RALGPS1: variants seen among roughly 807,000 people sequenced by gnomAD.
The protein encoded by RALGPS1 is Ral GEF with PH domain and SH3 binding motif 1.
RALGPS1 carries 19 observed loss-of-function variants against 78.8 expected under a neutral mutation model. That is an observed-to-expected ratio of 0.24 (90% CI 0.17 to 0.35). The LOEUF is 0.35. RALGPS1 is among the 10% of genes least tolerant of loss of function. The pLI is 1.00. For synonymous variants in RALGPS1, 228 were observed against 256.3 expected, an observed-to-expected ratio of 0.89 and a Z score of 1.06; for missense variants, 454 against 688.3, an observed-to-expected ratio of 0.66 and a Z score of 3.81.
chr9:127,046,672 CAAAAA>C (rs71377987), intron 5 of RALGPS1, among the ~76,000 whole-genome samples: 13 of 40,452 alleles, frequency 3.2e-4, no homozygotes, highest in Admixed American at 5.0e-4. Flanking sequence ...CCCATCCATA[CAAAAA>C]AAAAAAAAAA....
intron 7 of RALGPS1, among the ~76,000 whole-genome samples, chr9:127,068,646 G>A (rs2135826913): frequency 6.6e-6 from 1 of 152,254 alleles, no homozygotes; most frequent in Non-Finnish European, 1.5e-5. Context: ...GAGGGTTCTT[G>A]GCTTTGCCCA....
intron 1 of RALGPS1, among the ~76,000 whole-genome samples, chr9:126,931,318 G>T (rs572741973): frequency 4.9e-4 from 75 of 152,192 alleles, no homozygotes; most frequent in African/African-American, 1.8e-3. Flanking sequence ...GACTGCTAGC[G>T]GGCAGCCTCA....
chr9:127,174,834 G>T, intron 11 of RALGPS1, 52 bp downstream of exon 11: 1 of 1,565,014 alleles, frequency 6.4e-7, no homozygotes. Flanking sequence ...CCTAATTGTG[G>T]CTGCCAGAGT....
rs34711319 is a variant in RALGPS1, at chr9:127,084,886, TC to T, written c.610+15533del. ...AGACATGTTGTTACACTTAAAAGCT[TC>T]CCTTTTTGGCTTAATCTAGTCATGT... On this transcript the variant is annotated intron_variant, in intron 8 of 18. Transcript: ENST00000259351. Among the ~76,000 whole-genome samples, 686 of 152,336 alleles carry T rather than the reference TC, an allele frequency of 4.5e-3. 2 individuals carry two copies. Among genetic ancestry groups the T allele is most frequent in the Non-Finnish European group, 7.8e-3 (531 of 68,034 alleles).
At chr9:127,137,620 T>A (rs776863683) in intron 8 of RALGPS1, among the ~76,000 whole-genome samples, 30 of 152,250 alleles carry the variant, frequency 2.0e-4, no homozygotes, top group Admixed American at 3.9e-4. Context: ...TGAAGCTGGT[T>A]CCAGTTGAGT....
chr9:127,065,989 G>A (rs1260126663), intron 7 of RALGPS1, among the ~76,000 whole-genome samples: 1 of 152,244 alleles, frequency 6.6e-6, no homozygotes, highest in Non-Finnish European at 1.5e-5. Context: ...ACAGAAGGGA[G>A]CAGATGAGTA....
intron 8 of RALGPS1, among the ~76,000 whole-genome samples, chr9:127,140,714 T>G (rs1371902195): frequency 6.6e-6 from 1 of 152,152 alleles, no homozygotes; most frequent in Admixed American, 6.5e-5. Context: ...AAATGCCCTT[T>G]TAATTGAAAA....
chr9:127,179,743 G>A (rs1413666043), intron 11 of RALGPS1, among the ~76,000 whole-genome samples: 1 of 152,234 alleles, frequency 6.6e-6, no homozygotes, highest in Non-Finnish European at 1.5e-5. Context: ...GGAGCTGAAA[G>A]GAGGCAGTGG....
chr9:127,214,627 T>TG lies in RALGPS1; in HGVS notation c.1553-124_1553-123insG. 3 of 1,434,774 alleles carry TG rather than the reference T, an allele frequency of 2.1e-6. No homozygotes were observed. The South Asian group carries it at 4.6e-5, about 22-fold the overall frequency. 88.9% of individuals were successfully genotyped at this position (1,434,774 alleles called of 1,614,324 possible). On this transcript the variant is annotated intron_variant, in intron 17 of 18. Coordinates refer to ENST00000259351, the MANE Select transcript of RALGPS1 (RefSeq NM_014636.3). ...CCTGGAGGCTGCTTTCTCTGCATGT[T>TG]CCAGCTCACCTGGGGCCGACCTTCC...
intron 11 of RALGPS1, among the ~76,000 whole-genome samples, chr9:127,188,295 C>T (rs1225952455): frequency 6.6e-6 from 1 of 151,988 alleles, no homozygotes; most frequent in Non-Finnish European, 1.5e-5. Context: ...AACTCCTGAC[C>T]TCGTGATCCG....
In RALGPS1 at chr9:126,994,470, A is replaced by C. The variant is rs887720723; in HGVS notation, c.216+16725A>C. ...ATGAATGAAATGAAGCAAGAAGAGA[A>C]GTTTAGAGAAAAAAGAGTAAAAAGA... On this transcript the variant is annotated intron_variant, in intron 4 of 18. Coordinates refer to ENST00000259351, the MANE Select transcript of RALGPS1 (RefSeq NM_014636.3). Among the ~76,000 whole-genome samples, 3 of 152,348 alleles carry C rather than the reference A, an allele frequency of 2.0e-5. No homozygotes were observed. The South Asian group carries it at 6.2e-4, about 32-fold the overall frequency.
chr9:127,165,336 C>T (rs902193360), intron 8 of RALGPS1, among the ~76,000 whole-genome samples: 2 of 152,224 alleles, frequency 1.3e-5, no homozygotes, highest in Non-Finnish European at 2.9e-5. Context: ...GAATAGCCAG[C>T]GGCCCTTCCC....
intron 8 of RALGPS1, among the ~76,000 whole-genome samples, chr9:127,144,948 T>C (rs1393191384): frequency 6.6e-6 from 1 of 152,166 alleles, no homozygotes; most frequent in East Asian, 1.9e-4. Flanking sequence ...AGCATGAATA[T>C]AATAAATGTC....
intron 10 of RALGPS1, among the ~76,000 whole-genome samples, chr9:127,172,063 C>T (rs2059593214): frequency 6.6e-6 from 1 of 152,142 alleles, no homozygotes; most frequent in Non-Finnish European, 1.5e-5. Flanking sequence ...ATAGTTTTTC[C>T]ATTCCTGGAG....
At chr9:127,142,871 C>A (rs779830329) in intron 8 of RALGPS1, among the ~76,000 whole-genome samples, 1 of 152,002 alleles carries the variant, frequency 6.6e-6, no homozygotes, top group Non-Finnish European at 1.5e-5. Context: ...TAAATCTGGA[C>A]GGTAAATAAC....
intron 8 of RALGPS1, among the ~76,000 whole-genome samples, chr9:127,142,056 G>A (rs528496783): frequency 3.9e-5 from 6 of 152,196 alleles, no homozygotes; most frequent in Non-Finnish European, 7.3e-5. Context: ...CAGGAGCAAC[G>A]TTCTAAATGG....
chr9:126,958,483 C>T (rs1044300057), intron 1 of RALGPS1, among the ~76,000 whole-genome samples: 1 of 152,120 alleles, frequency 6.6e-6, no homozygotes, highest in African/African-American at 2.4e-5. Context: ...TCTAAATTTG[C>T]CTTTTCTGGA....
chr9:127,112,111 TAA>T (rs2054875685), intron 8 of RALGPS1, among the ~76,000 whole-genome samples: 1 of 152,144 alleles, frequency 6.6e-6, no homozygotes, highest in Non-Finnish European at 1.5e-5. Flanking sequence ...GTTTTCCACT[TAA>T]ATGACAAAGC....
At position 127,108,725 on chromosome 9, in the gene RALGPS1, G is replaced by T. The variant is rs778072218; in HGVS notation, c.610+39369G>T. 6.2e-7 allele frequency: 1 copy of T among 1,605,428 alleles called. No individual in the cohort carries two copies. The highest frequency in any genetic ancestry group is 1.3e-5 in the African/African-American group (1 of 74,824). On this transcript the variant is annotated intron_variant, in intron 8 of 18. Coordinates refer to ENST00000259351, the MANE Select transcript of RALGPS1 (RefSeq NM_014636.3). The stretch of plus-strand genomic sequence containing the variant: ...AGCCACCAGCATGTCACGCACAGTG[G>T]CCTCATGGTCCTTGCAAAATGGTGG...
Sources: allele counts gnomAD v4.1 joint callset (sites outside exome capture counted in the v4.1 genomes callset), GRCh38; gene constraint gnomAD v4.1.1; transcripts MANE v1.5; gene names NCBI Gene and HGNC (gene_info 2026-07-23, HGNC 2026-07-21).